The following EPN3 variants were observed in gnomAD, a reference collection of about 807,000 sequenced individuals.
The protein encoded by EPN3 is epsin-3.
EPN3 carries 56 observed loss-of-function variants against 55.5 expected under a neutral mutation model. The observed-to-expected ratio is 1.01, with a 90% confidence interval of 0.81 to 1.26. The LOEUF is 1.26. Ranked by LOEUF, EPN3 falls within the 50% of genes most tolerant of loss-of-function variation. The pLI is 0.00. For synonymous variants in EPN3, 449 were observed against 375.2 expected (o/e 1.20, Z -2.27); for missense variants, 927 against 853.4 (o/e 1.09, Z -1.07).
At chr17:50,537,396 T>C in intron 2 of EPN3, 1 of 492,684 alleles carries the variant, frequency 2.0e-6, no homozygotes, top group South Asian at 2.4e-5. Flanking sequence ...GATAGCATTC[T>C]ATATTCTGCT....
intron 2 of EPN3, 103 bp downstream of exon 2, chr17:50,537,221 G>A: frequency 8.3e-7 from 1 of 1,203,846 alleles, no homozygotes; most frequent in South Asian, 1.6e-5. Flanking sequence ...TCCGAGGGGT[G>A]TTATGAAGAT....
chr17:50,540,766 A>G, intron 6 of EPN3, 27 bp from the exon 7 acceptor site: 1 of 1,570,450 alleles, frequency 6.4e-7, no homozygotes, highest in Non-Finnish European at 8.7e-7. Context: ...TGGGCCTGGG[A>G]TCATGTCTAT....
rs1174950969 is a variant in EPN3, at chr17:50,541,242, C to A, written c.1263C>A (p.Thr421=). Residue 421 remains threonine, a synonymous_variant, in exon 8 of 10, where the codon ACC becomes ACA. Transcript: ENST00000268933. ...CTCTCTTCCGAGGTGGTGCCTCGAC[C>A]TTTGACCCATTTGCCAAACCTCCAG... ...ETSDTPGGAS[T]FDPFAKPPES... The A allele has an allele frequency of 6.2e-7, 1 of 1,613,768 alleles. No homozygotes were observed. The highest frequency in any genetic ancestry group is 8.5e-7 in the Non-Finnish European group (1 of 1,180,028).
rs111782297 is a variant in EPN3 at position 50,532,735 on chromosome 17, G to A, written c.-387G>A. 1,828 of 435,978 alleles carry A rather than the reference G, an allele frequency of 4.2e-3. 18 individuals are homozygous for A. The highest frequency in any genetic ancestry group is 7.1e-3 in the African/African-American group (327 of 45,846). 27.0% of individuals were successfully genotyped at this position (435,978 alleles called of 1,614,324 possible). On this transcript the variant is annotated 5_prime_UTR_variant, in exon 1 of 10. Transcript: ENST00000268933. ...CCGGGCCAGCTGAGCAACTTTCCTC[G>A]GAGTGCTGCCTGGCGCTGGCTAGGA...
At chr17:50,537,887 C>T (rs1229817048) in intron 2 of EPN3, 192 bp from the exon 3 acceptor site, 2 of 566,702 alleles carry the variant, frequency 3.5e-6, no homozygotes, top group Non-Finnish European at 6.3e-6. Flanking sequence ...GGGACTGGAG[C>T]CGCCCCTCCA....
chr17:50,542,301 A>G lies in EPN3; in HGVS notation c.*144A>G, dbSNP rs1188845420. The G allele has an allele frequency of 3.7e-6, 3 of 816,376 alleles. No homozygotes were observed. Among genetic ancestry groups the G allele is most frequent in the Admixed American group, 4.4e-5 (1 of 22,934 alleles). The allele number at this position is 816,376 out of a possible 1,614,324, so 50.6% of individuals were successfully genotyped here. ...ATCCCGCGGCGGCTCTGGAAGCTGGACGCGGACCACGGCCCGGGAGCTAGA... is the reference window on the plus strand; with the variant it reads ...ATCCCGCGGCGGCTCTGGAAGCTGGGCGCGGACCACGGCCCGGGAGCTAGA... On this transcript the variant is annotated 3_prime_UTR_variant, in exon 10 of 10. Coordinates refer to ENST00000268933, the MANE Select transcript of EPN3 (RefSeq NM_017957.3).
chr17:50,534,117 CCCTTCTCTGCGCTTGGG>C (rs2034723778), intron 1 of EPN3, among the ~76,000 whole-genome samples: 1 of 149,654 alleles, frequency 6.7e-6, no homozygotes, highest in African/African-American at 2.4e-5. Context: ...CTTTCCTCCT[CCCTTCTCTGCGCTTGGG>C]CAGGCTTCTT....
At position 50,542,877 on chromosome 17, in the gene EPN3, A is replaced by G. The variant is rs2034867966; in HGVS notation, c.*720A>G. The G allele has an allele frequency of 6.6e-6, 1 of 152,252 alleles. No homozygotes were observed. The highest frequency in any genetic ancestry group is 2.4e-5 in the African/African-American group (1 of 41,478). The allele number at this position is 152,252 out of a possible 1,614,324, so 9.4% of individuals were successfully genotyped here. ...GCAAAGCCCACTGCAGTGCGATTGCACAGGTATCTCACCTTGCAGCCGGCA... is the reference window on the plus strand; with the variant it reads ...GCAAAGCCCACTGCAGTGCGATTGCGCAGGTATCTCACCTTGCAGCCGGCA... On this transcript the variant is annotated 3_prime_UTR_variant, in exon 10 of 10. Transcript: ENST00000268933.
chr17:50,541,661 C>G lies in EPN3; in HGVS notation c.1552C>G (p.Gln518Glu). 2 of 1,614,114 alleles carry G rather than the reference C, an allele frequency of 1.2e-6. No individual in the cohort carries two copies. Among genetic ancestry groups the G allele is most frequent in the African/African-American group, 1.3e-5 (1 of 75,066 alleles). The change falls in exon 9 of 10, where the codon CAG becomes GAG. Residue 518 changes from glutamine (Q) to glutamate (E), a missense_variant. Transcript: ENST00000268933. ...CCTTGACTCGTTGGTCAAGGCACCC[C>G]AGGTTGCAAAGACCCGGAACCCCTT... ...VNLDSLVKAP[Q>E]VAKTRNPFLT...
chr17:50,538,522 C>T (rs992813178), intron 3 of EPN3: 7 of 429,844 alleles, frequency 1.6e-5, no homozygotes, highest in Middle Eastern at 5.8e-4. Context: ...ATGCTTCCCA[C>T]CCCCGCCCAC....
intron 1 of EPN3, 156 bp from the exon 2 acceptor site, chr17:50,536,265 G>A (rs988291934): frequency 4.2e-6 from 2 of 479,514 alleles, no homozygotes; most frequent in African/African-American, 1.9e-5. Flanking sequence ...AAAGCTCCAA[G>A]TGCCTGCTGA....
In EPN3 at chr17:50,541,519, G is replaced by A; in HGVS notation, c.1410G>A (p.Glu470=). The A allele has an allele frequency of 6.2e-7, 1 of 1,614,202 alleles. No individual in the cohort carries two copies. Among genetic ancestry groups the A allele is most frequent in the Admixed American group, 1.7e-5 (1 of 60,032 alleles). Residue 470 remains glutamate (E), a synonymous_variant, in exon 9 of 10, where the codon GAG becomes GAA. Transcript: ENST00000268933. ...SPSSKQNGTK[E]PDALDLGILG... ...GTTCCAAGCAAAATGGCACGAAGGA[G>A]CCAGATGCCCTGGACCTGGGCATAC...
intron 2 of EPN3, chr17:50,537,335 G>A (rs1348812281): frequency 5.1e-6 from 3 of 589,202 alleles, no homozygotes; most frequent in East Asian, 2.8e-5. Context: ...ATTATCATTC[G>A]TTAGCTGCCT....
Position 50,538,916 on chromosome 17 carries a change from C to CCTGCAG in EPN3, c.724_729dup (p.Gln242_Leu243dup), listed in dbSNP as rs1302184450. The CCTGCAG allele has an allele frequency of 6.2e-7, 1 of 1,608,032 alleles. No homozygotes were observed. Among genetic ancestry groups the CCTGCAG allele is most frequent in the Non-Finnish European group, 8.5e-7 (1 of 1,176,050 alleles). On this transcript the variant is annotated inframe_insertion, in exon 4 of 10. Coordinates refer to ENST00000268933, the MANE Select transcript of EPN3 (RefSeq NM_017957.3). Reference sequence around the variant, plus strand: ...CCCCAGCCTCCCACAGGGACGAGGACCTGCAGCTGCAGCTGGCTCTGCGCC... The same window carrying CCTGCAG: ...CCCCAGCCTCCCACAGGGACGAGGACCTGCAGCTGCAGCTGCAGCTGGCTCTGCGCC...
chr17:50,542,205 G>T lies in EPN3; in HGVS notation c.*48G>T, dbSNP rs1232926520. 2.8e-6 allele frequency: 4 copies of T among 1,415,438 alleles called. No homozygotes were observed. The highest frequency in any genetic ancestry group is 3.4e-5 in the Admixed American group (1 of 29,778). 87.7% of individuals were successfully genotyped at this position (1,415,438 alleles called of 1,614,324 possible). On this transcript the variant is annotated 3_prime_UTR_variant, in exon 10 of 10. Coordinates refer to ENST00000268933, the MANE Select transcript of EPN3 (RefSeq NM_017957.3). ...CCTGCGCCTGCGCCGGACGCTCCGC[G>T]GCCCCGCCTCCGGACCCGGGGCTGG...
In EPN3 at chr17:50,542,098, C is replaced by T. The variant is rs1256674574; in HGVS notation, c.1840C>T (p.Pro614Ser). The T allele has an allele frequency of 1.9e-6, 3 of 1,557,194 alleles. No individual in the cohort carries two copies. Among genetic ancestry groups the T allele is most frequent in the South Asian group, 1.2e-5 (1 of 85,694 alleles). The part of the protein sequence containing the change: ...AFAPQPLLPT[P>S]SSAGPRPPPP... ...CGCACCGCAGCCGCTGCTGCCCACG[C>T]CGAGCTCAGCCGGGCCGCGGCCCCC... is the stretch of plus-strand genomic sequence containing the variant. The change falls in exon 10 of 10, where the codon CCG (proline) becomes TCG (serine). Residue 614 changes from proline (P) to serine (S), a missense_variant. By Grantham distance (74) the Pro-to-Ser change is moderately conservative. Coordinates refer to ENST00000268933, the MANE Select transcript of EPN3 (RefSeq NM_017957.3).
rs1222706355 is a variant in EPN3 at position 50,539,210 on chromosome 17, T to C, written c.786T>C (p.Asp262=). Residue 262 remains aspartate (D), a synonymous_variant, in exon 5 of 10, where the codon GAT becomes GAC. Coordinates refer to ENST00000268933, the MANE Select transcript of EPN3 (RefSeq NM_017957.3). ...AGGAGGTGAGGTCCTGGCAGGGTGA[T>C]GGCTCCCCCATGGCCAATGGTGCAG... ...HEKEVRSWQG[D]GSPMANGAGA... 2 of 1,614,066 alleles carry C rather than the reference T, an allele frequency of 1.2e-6. No homozygotes were observed. Among genetic ancestry groups the C allele is most frequent in the East Asian group, 2.2e-5 (1 of 44,886 alleles).
rs1176991035 is a variant in EPN3, at chr17:50,532,889, G to C, written c.-233G>C. On this transcript the variant is annotated 5_prime_UTR_variant, in exon 1 of 10. Transcript: ENST00000268933. ...GTCCATGGTGGATGGCTCTGGAGAC[G>C]CTCCCGAGGCTGTGCCGTCCCGCTG... 1.6e-6 allele frequency: 2 copies of C among 1,285,540 alleles called. No homozygotes were observed. Among genetic ancestry groups the C allele is most frequent in the Non-Finnish European group, 2.0e-6 (2 of 987,252 alleles). 79.6% of individuals were successfully genotyped at this position (1,285,540 alleles called of 1,614,324 possible). A position where few individuals can be genotyped will look rare whatever the true frequency, so the allele number is the denominator to read the frequency against.
At chr17:50,537,214 GA>G (rs773031529) in intron 2 of EPN3, 96 bp downstream of exon 2, 21 of 1,250,640 alleles carry the variant, frequency 1.7e-5, no homozygotes, top group Non-Finnish European at 2.2e-5. Flanking sequence ...ACCTACCTCC[GA>G]GGGGTGTTAT....
Sources: gnomAD v4.1 joint callset for allele counts (sites outside exome capture counted in the v4.1 genomes callset) on GRCh38, gnomAD v4.1.1 for gene constraint, MANE v1.5 for transcripts, NCBI Gene and HGNC (gene_info 2026-07-23, HGNC 2026-07-21) for gene names.